The following GPHN variants were observed in gnomAD, a reference collection of about 807,000 sequenced individuals.
GPHN encodes the protein gephyrin.
In GPHN, 17 loss-of-function variants were observed where a neutral mutation model predicts 95.5. The observed-to-expected ratio is 0.18, with a 90% confidence interval of 0.12 to 0.27. GPHN has a LOEUF of 0.27. GPHN is among the 10% of genes least tolerant of loss of function. The probability of loss-of-function intolerance (pLI) is 1.00; values close to 1 mark genes in which losing one functional copy is unlikely to be tolerated. For synonymous variants in GPHN, 320 were observed against 322.5 expected, an observed-to-expected ratio of 0.99 and a Z score of 0.08; for missense variants, 660 against 978.1, an observed-to-expected ratio of 0.67 and a Z score of 4.34.
chr14:66,699,777 C>T (rs1012170745), intron 2 of GPHN, among the ~76,000 whole-genome samples: 2 of 152,072 alleles, frequency 1.3e-5, no homozygotes, highest in South Asian at 2.1e-4. Context: ...GTGAAAGAAA[C>T]ATCTATGCCA....
intron 2 of GPHN, among the ~76,000 whole-genome samples, chr14:66,740,193 T>C (rs1251222384): frequency 6.6e-6 from 1 of 152,116 alleles, no homozygotes; most frequent in Non-Finnish European, 1.5e-5. Flanking sequence ...TATGGTCAAA[T>C]ATGCTCATTC....
chr14:67,300,620 A>G, the GPHN span, among the ~76,000 whole-genome samples: 5 of 152,084 alleles, frequency 3.3e-5, no homozygotes, highest in African/African-American at 1.2e-4. Flanking sequence ...GAGCCATTGT[A>G]TCTGGCCTGT....
At chr14:66,681,881 G>A (rs1185671359) in intron 2 of GPHN, among the ~76,000 whole-genome samples, 2 of 151,898 alleles carry the variant, frequency 1.3e-5, no homozygotes, top group Admixed American at 6.6e-5. Context: ...TTAAGCCTGC[G>A]AAGCAGAGTA....
chr14:66,587,783 TG>T (rs535092987), intron 1 of GPHN, among the ~76,000 whole-genome samples: 108 of 152,264 alleles, frequency 7.1e-4, no homozygotes, highest in African/African-American at 2.6e-3. Context: ...ACAGAGCACC[TG>T]GGGGAATGGG....
the GPHN span, among the ~76,000 whole-genome samples, chr14:67,633,379 A>G: frequency 6.6e-6 from 1 of 152,068 alleles, no homozygotes; most frequent in Admixed American, 6.5e-5. Flanking sequence ...ATGGCGATGT[A>G]TACTTCATCA....
At chr14:66,769,444 T>C (rs2059083054) in intron 2 of GPHN, among the ~76,000 whole-genome samples, 1 of 152,004 alleles carries the variant, frequency 6.6e-6, no homozygotes, top group Non-Finnish European at 1.5e-5. Flanking sequence ...CTAGTACCCA[T>C]TAATTATTTT....
the GPHN span, chr14:67,392,847 A>T: frequency 6.2e-7 from 1 of 1,608,446 alleles, no homozygotes; most frequent in Non-Finnish European, 8.5e-7. Flanking sequence ...ACCAGGGAGG[A>T]GCCTGGCCAA....
intron 1 of GPHN, among the ~76,000 whole-genome samples, chr14:66,666,618 G>A (rs780227276): frequency 1.3e-5 from 2 of 151,998 alleles, no homozygotes; most frequent in Non-Finnish European, 2.9e-5. Context: ...ACTAGATACT[G>A]AAGAAATGAA....
chr14:66,688,090 A>T (rs2067519474), intron 2 of GPHN, among the ~76,000 whole-genome samples: 1 of 152,244 alleles, frequency 6.6e-6, no homozygotes, highest in Non-Finnish European at 1.5e-5. Context: ...TATTTTACAT[A>T]CGTATTACAT....
At chr14:67,199,877 A>G in the GPHN span, 11 of 1,491,970 alleles carry the variant, frequency 7.4e-6, no homozygotes, top group Admixed American at 2.3e-5. Context: ...GCTGCAGGAC[A>G]TGGCCCCCCA....
At chr14:67,367,365 G>A in the GPHN span, among the ~76,000 whole-genome samples, 3 of 152,072 alleles carry the variant, frequency 2.0e-5, no homozygotes, top group African/African-American at 7.2e-5. Context: ...AGAGTAGCTG[G>A]GATTACAGGC....
intron 1 of GPHN, among the ~76,000 whole-genome samples, chr14:66,578,654 G>GAAAAAAAAAAAA (rs574302625): frequency 5.0e-5 from 3 of 59,696 alleles, no homozygotes; most frequent in African/African-American, 1.2e-4. Context: ...GGGATAGAGT[G>GAAAAAAAAAAAA]AAAAAAAAAA....
chr14:67,724,417 C>A, the GPHN span: 284 of 828,756 alleles, frequency 3.4e-4, no homozygotes, highest in East Asian at 5.0e-4. Flanking sequence ...TTTAACGTAT[C>A]TTAGTGTGAG....
chr14:67,232,780 CA>C, the GPHN span, among the ~76,000 whole-genome samples: 4 of 152,112 alleles, frequency 2.6e-5, no homozygotes, highest in Non-Finnish European at 5.9e-5. Flanking sequence ...TGCGTGTTGC[CA>C]AACTGTTCTC....
the GPHN span, among the ~76,000 whole-genome samples, chr14:67,594,726 C>A: frequency 6.6e-6 from 1 of 151,666 alleles, no homozygotes; most frequent in Non-Finnish European, 1.5e-5. Flanking sequence ...TCCTGATAAA[C>A]CCATTATAAG....
the GPHN span, among the ~76,000 whole-genome samples, chr14:67,706,739 G>A: frequency 2.6e-5 from 4 of 152,130 alleles, no homozygotes; most frequent in Non-Finnish European, 4.4e-5. Context: ...TTTGGGGGCC[G>A]AGATCTTTTC....
At chr14:67,208,186 C>G in the GPHN span, 1 of 1,612,366 alleles carries the variant, frequency 6.2e-7, no homozygotes, top group South Asian at 1.1e-5. Flanking sequence ...TTTGCTGCTG[C>G]TTTTTATTTT....
intron 9 of GPHN, chr14:66,996,183 C>A: frequency 6.5e-7 from 1 of 1,533,808 alleles, no homozygotes; most frequent in Non-Finnish European, 8.7e-7. Context: ...CCAGGCTCGG[C>A]TTCCCTCGTG....
chr14:67,666,673 A>G, the GPHN span, among the ~76,000 whole-genome samples: 1 of 152,192 alleles, frequency 6.6e-6, no homozygotes, highest in Non-Finnish European at 1.5e-5. Flanking sequence ...GATGTACCTC[A>G]GCGATCATCT....
Sources: gnomAD v4.1 joint callset for allele counts (sites outside exome capture counted in the v4.1 genomes callset) on GRCh38, gnomAD v4.1.1 for gene constraint, MANE v1.5 for transcripts, NCBI Gene and HGNC (gene_info 2026-07-23, HGNC 2026-07-21) for gene names.